The following AEBP2 variants were observed in gnomAD, a reference collection of about 807,000 sequenced individuals.
AEBP2 encodes zinc finger protein AEBP2.
Under a neutral mutation model 50.8 loss-of-function variants are expected in AEBP2, and 10 were observed. That is an observed-to-expected ratio of 0.20 (90% CI 0.12 to 0.33). The LOEUF is 0.33. Among genes scored for constraint, AEBP2 ranks in the 10% least tolerant of loss-of-function variants. The pLI, the probability that AEBP2 is intolerant of heterozygous loss-of-function variation, is 1.00. For missense variants in AEBP2, 570 were observed against 688.0 expected, an observed-to-expected ratio of 0.83 and a Z score of 1.92; for synonymous variants, 296 against 261.3, an observed-to-expected ratio of 1.13 and a Z score of -1.28.
intron 2 of AEBP2, among the ~76,000 whole-genome samples, chr12:19,463,782 C>G (rs1050166810): frequency 6.6e-6 from 1 of 150,442 alleles, no homozygotes; most frequent in African/African-American, 2.5e-5. Context: ...TCTCCTGCCT[C>G]AGCCTCCCGA....
chr12:19,434,599 T>G (rs1323755050), upstream of AEBP2, among the ~76,000 whole-genome samples: 1 of 152,224 alleles, frequency 6.6e-6, no homozygotes, highest in Non-Finnish European at 1.5e-5. Context: ...AGTTTATGAA[T>G]GGGTACTGAG....
intron 3 of AEBP2, among the ~76,000 whole-genome samples, chr12:19,485,994 T>C (rs868459640): frequency 6.8e-6 from 1 of 146,866 alleles, no homozygotes; most frequent in Non-Finnish European, 1.5e-5. Context: ...TCTGATATAA[T>C]GTATAGTTGT....
chr12:19,425,381 A>G (rs1592707793), intron 1 of AEBP2, among the ~76,000 whole-genome samples: 3 of 152,292 alleles, frequency 2.0e-5, no homozygotes, highest in African/African-American at 7.2e-5. Context: ...GTTAAATAGC[A>G]TGATGAATAT....
intron 1 of AEBP2, chr12:19,445,885 A>T (rs1429366181): frequency 6.6e-6 from 1 of 151,470 alleles, no homozygotes; most frequent in African/African-American, 2.4e-5. Context: ...TTATAAAAAA[A>T]TATAACTAGC....
chr12:19,477,237 A>G (rs1274451660), intron 3 of AEBP2, among the ~76,000 whole-genome samples: 2 of 152,150 alleles, frequency 1.3e-5, no homozygotes, highest in South Asian at 2.1e-4. Flanking sequence ...GTATATGATC[A>G]TATCGTCAGC....
rs571250128 is a variant in AEBP2, at chr12:19,520,995, T to C, written c.*2878T>C. The stretch of plus-strand genomic sequence containing the variant: ...CTATGTGTATAAGGTGTTTGTGAGA[T>C]ATAAATGAACTTTATGTTTAGTCTT... On this transcript the variant is annotated 3_prime_UTR_variant, in exon 8 of 8. Transcript: ENST00000266508. 22 of 152,368 alleles carry C rather than the reference T, an allele frequency of 1.4e-4. 1 individual carries two copies. Among genetic ancestry groups the C allele is most frequent in the Admixed American group, 1.2e-3 (18 of 15,308 alleles). 9.4% of individuals were successfully genotyped at this position (152,368 alleles called of 1,614,324 possible).
chr12:19,455,466 A>G (rs1052567655), intron 1 of AEBP2, among the ~76,000 whole-genome samples: 2 of 152,188 alleles, frequency 1.3e-5, no homozygotes, highest in Non-Finnish European at 2.9e-5. Flanking sequence ...AGTCATGGTA[A>G]CATAAGCATC....
At chr12:19,453,934 ATTACAG>A (rs1261262125) in intron 1 of AEBP2, among the ~76,000 whole-genome samples, 4 of 152,010 alleles carry the variant, frequency 2.6e-5, no homozygotes, top group Non-Finnish European at 5.9e-5. Flanking sequence ...AAGTGCTGGG[ATTACAG>A]GCTTGATCCA....
upstream of AEBP2, among the ~76,000 whole-genome samples, chr12:19,436,904 T>G (rs1947866401): frequency 6.6e-6 from 1 of 152,098 alleles, no homozygotes; most frequent in South Asian, 2.1e-4. Flanking sequence ...CTGGCCCCCA[T>G]GCTGAGTACT....
chr12:19,429,968 C>T (rs2095750603), intron 1 of AEBP2, among the ~76,000 whole-genome samples: 1 of 152,164 alleles, frequency 6.6e-6, no homozygotes, highest in African/African-American at 2.4e-5. Flanking sequence ...TCTGCAGAAG[C>T]TATTTAGTTG....
chr12:19,460,702 T>G (rs1405433763), intron 1 of AEBP2, among the ~76,000 whole-genome samples: 1 of 151,126 alleles, frequency 6.6e-6, no homozygotes, highest in East Asian at 2.0e-4. Flanking sequence ...TCGCCCAGGT[T>G]GGAGTCCAGT....
intron 4 of AEBP2, among the ~76,000 whole-genome samples, chr12:19,497,831 TAA>T (rs1250805363): frequency 6.6e-6 from 1 of 152,222 alleles, no homozygotes; most frequent in Admixed American, 6.5e-5. Context: ...CACACAGTCT[TAA>T]CGTATGTAAT....
At chr12:19,490,600 A>G (rs973819167) in intron 3 of AEBP2, among the ~76,000 whole-genome samples, 2 of 151,904 alleles carry the variant, frequency 1.3e-5, no homozygotes, top group Admixed American at 6.6e-5. Flanking sequence ...GTGCAGTGGC[A>G]TGATCTCAGC....
Position 19,522,130 on chromosome 12 carries a change from T to C in AEBP2, c.*4013T>C, listed in dbSNP as rs2120670256. 1 of 152,234 alleles carries C rather than the reference T, an allele frequency of 6.6e-6. No individual in the cohort carries two copies. Among genetic ancestry groups the C allele is most frequent in the Non-Finnish European group, 1.5e-5 (1 of 68,004 alleles). 9.4% of individuals were successfully genotyped at this position (152,234 alleles called of 1,614,324 possible). Reference sequence around the variant, plus strand: ...TTGGTTAAAACATATTTCTCTATTCTAAAAATTACAGAATATGTATTCATA... The same window carrying C: ...TTGGTTAAAACATATTTCTCTATTCCAAAAATTACAGAATATGTATTCATA... On this transcript the variant is annotated 3_prime_UTR_variant, in exon 8 of 8. Coordinates refer to ENST00000266508, the MANE Select transcript of AEBP2 (RefSeq NM_153207.5).
rs1949084075 is a variant in AEBP2 at position 19,501,798 on chromosome 12, T to TTTTTTG, written c.1299+1582_1299+1583insGTTTTT. 4.3e-4 allele frequency among the ~76,000 whole-genome samples: 5 copies of TTTTTTG among 11,596 alleles called. No homozygotes were observed. In the South Asian group the frequency reaches 0.012, roughly 28 times the overall value. The allele number at this position is 11,596 out of a possible 152,430, so 7.6% of individuals were successfully genotyped here. On this transcript the variant is annotated intron_variant, in intron 5 of 7. Transcript: ENST00000266508. The stretch of plus-strand genomic sequence containing the variant: ...GTCGTCTCCTATAAAAATGAGTTTG[T>TTTTTTG]TTTTTTTTTTTTTTTTTTTGCATTT...
rs1048890142 is a variant in AEBP2, at chr12:19,513,333, TTTC to T, written c.1367+871_1367+873del. Among the ~76,000 whole-genome samples the T allele has an allele frequency of 1.0e-3, 157 of 151,576 alleles. 1 individual carries two copies. Among genetic ancestry groups the T allele is most frequent in the African/African-American group, 3.7e-3 (153 of 41,304 alleles). ...CATATATTTCATGTATTTTTTTATCTTTCTTATTAAAATTTTCTTTTTATAAAA... is the reference window on the plus strand; with the variant it reads ...CATATATTTCATGTATTTTTTTATCTTTATTAAAATTTTCTTTTTATAAAA... On this transcript the variant is annotated intron_variant, in intron 6 of 7. Transcript: ENST00000266508.
At chr12:19,405,254 C>T (rs1592698843) in intron 1 of AEBP2, among the ~76,000 whole-genome samples, 1 of 151,642 alleles carries the variant, frequency 6.6e-6, no homozygotes, top group Admixed American at 6.6e-5. Flanking sequence ...CTACTATTAC[C>T]TTCTTGCTTA....
intron 2 of AEBP2, 38 bp downstream of exon 2, chr12:19,462,755 CGTTA>C (rs748090991): frequency 2.7e-5 from 42 of 1,539,998 alleles, no homozygotes; most frequent in Non-Finnish European, 3.5e-5. Flanking sequence ...TCCCTGTTTT[CGTTA>C]GTTTTATTAA....
In AEBP2 at chr12:19,493,783, G is replaced by A. The variant is rs187421677; in HGVS notation, c.988-17G>A. ...ACACAGCATGCCTGACGTTATTTCT[G>A]TTTTATTTTCTTTTAGTGTGTTGTT... On this transcript the variant is annotated splice_polypyrimidine_tract_variant and intron_variant, in intron 3 of 7. Transcript: ENST00000266508. The A allele has an allele frequency of 2.4e-4, 381 of 1,610,438 alleles. No homozygotes were observed. Among genetic ancestry groups the A allele is most frequent in the Non-Finnish European group, 3.1e-4 (360 of 1,178,276 alleles).
Sources: gnomAD v4.1 joint callset for allele counts (sites outside exome capture counted in the v4.1 genomes callset) on GRCh38, gnomAD v4.1.1 for gene constraint, MANE v1.5 for transcripts, NCBI Gene and HGNC (gene_info 2026-07-23, HGNC 2026-07-21) for gene names.